Variants in RBFOX1 observed in about 807,000 individuals in gnomAD.
RBFOX1 encodes the protein RNA binding fox-1 homolog 1, also known as RNA binding protein fox-1 homolog 1.
Under a neutral mutation model 57.7 loss-of-function variants are expected in RBFOX1, and 8 were observed. That is an observed-to-expected ratio of 0.14 (90% CI 0.08 to 0.25). RBFOX1 has a LOEUF of 0.25. Ranked by LOEUF, RBFOX1 falls within the 10% of genes least tolerant of loss-of-function variation. The probability of loss-of-function intolerance (pLI) is 1.00; values close to 1 mark genes in which losing one functional copy is unlikely to be tolerated. For missense variants in RBFOX1, 611 were observed against 548.5 expected (o/e 1.11, Z -1.14); for synonymous variants, 326 against 222.4 (o/e 1.47, Z -4.15).
chr16:6,961,122 A>C (rs996641242), intron 3 of RBFOX1, among the ~76,000 whole-genome samples: 1 of 68,746 alleles, frequency 1.5e-5, no homozygotes, highest in African/African-American at 5.2e-5. Flanking sequence ...CAGCCTGGGC[A>C]ATAGAGACTC....
At chr16:5,834,860 A>C (rs2056410107) in intron 3 of RBFOX1, among the ~76,000 whole-genome samples, 1 of 152,186 alleles carries the variant, frequency 6.6e-6, no homozygotes, top group Non-Finnish European at 1.5e-5. Context: ...TTGGGTAGCT[A>C]TCCAGTGGTG....
rs201864835 is a variant in RBFOX1, at chr16:7,192,329, C to T, written c.27+140231C>T. ...AATGTCATATTCAGTGGAGAGGTTC[C>T]ATCTAAGAGAGTTGGGGTGAGAAAT... On this transcript the variant is annotated intron_variant, in intron 4 of 15. Coordinates refer to ENST00000550418, the MANE Select transcript of RBFOX1 (RefSeq NM_018723.4). Among the ~76,000 whole-genome samples the T allele has an allele frequency of 6.6e-5, 10 of 152,250 alleles. No individual in the cohort carries two copies. In the East Asian group the frequency reaches 1.9e-3, roughly 30 times the overall value.
intron 7 of RBFOX1, among the ~76,000 whole-genome samples, chr16:7,591,978 T>C (rs1005954788): frequency 1.3e-5 from 2 of 152,042 alleles, no homozygotes; most frequent in African/African-American, 4.8e-5. Flanking sequence ...GTGAGGTCTT[T>C]CTGGTTACAT....
intron 4 of RBFOX1, among the ~76,000 whole-genome samples, chr16:7,496,906 T>C (rs1042149897): frequency 6.6e-6 from 1 of 152,148 alleles, no homozygotes; most frequent in African/African-American, 2.4e-5. Flanking sequence ...ATTAGAGTCA[T>C]TGGTACCCAT....
At chr16:5,387,407 C>T (rs923636241) in intron 1 of RBFOX1, among the ~76,000 whole-genome samples, 1 of 152,204 alleles carries the variant, frequency 6.6e-6, no homozygotes, top group East Asian at 1.9e-4. Context: ...AAAGTCATCA[C>T]AGACCTAGGC....
chr16:5,750,874 G>T (rs917836462), intron 3 of RBFOX1, among the ~76,000 whole-genome samples: 1 of 152,192 alleles, frequency 6.6e-6, no homozygotes, highest in Non-Finnish European at 1.5e-5. Context: ...CCACTGTCCT[G>T]TCCCCACTGT....
chr16:5,502,551 G>A (rs1191916572), intron 2 of RBFOX1, among the ~76,000 whole-genome samples: 1 of 152,206 alleles, frequency 6.6e-6, no homozygotes, highest in East Asian at 1.9e-4. Flanking sequence ...ACTGTAGGTG[G>A]CAGCAGAAGC....
rs1038254393 is a variant in RBFOX1, at chr16:6,774,109, T to C, written c.-16+119459T>C. 10 of 671,430 alleles carry C rather than the reference T, an allele frequency of 1.5e-5. No individual in the cohort carries two copies. The African/African-American group carries it at 2.0e-4, about 13-fold the overall frequency. The allele number at this position is 671,430 out of a possible 1,614,324, so 41.6% of individuals were successfully genotyped here. A position where few individuals can be genotyped will look rare whatever the true frequency, so the allele number is the denominator to read the frequency against. ...TTAAATTACCAAGAATTGGACTTTT[T>C]GTAAAATACCAAGTTATCGGAACAA... On this transcript the variant is annotated intron_variant, in intron 3 of 15. Transcript: ENST00000550418.
intron 4 of RBFOX1, among the ~76,000 whole-genome samples, chr16:7,206,725 G>A (rs562503933): frequency 1.3e-5 from 2 of 152,150 alleles, no homozygotes; most frequent in African/African-American, 2.4e-5. Flanking sequence ...AACAGATGCC[G>A]ACGACATTTA....
At chr16:6,116,603 A>G (rs1485053219) in intron 1 of RBFOX1, among the ~76,000 whole-genome samples, 1 of 152,152 alleles carries the variant, frequency 6.6e-6, no homozygotes, top group Non-Finnish European at 1.5e-5. Flanking sequence ...GTGAAGAGGA[A>G]CTTCTGAAGC....
chr16:6,000,219 C>T (rs1048845731), intron 4 of RBFOX1, among the ~76,000 whole-genome samples: 19 of 152,230 alleles, frequency 1.2e-4, no homozygotes, highest in African/African-American at 4.3e-4. Flanking sequence ...ATCCCATGCC[C>T]CCCTGGTGCG....
At chr16:6,304,653 C>A (rs1460791059) in intron 1 of RBFOX1, among the ~76,000 whole-genome samples, 1 of 151,990 alleles carries the variant, frequency 6.6e-6, no homozygotes, top group African/African-American at 2.4e-5. Flanking sequence ...GAGGTGGCAG[C>A]AAGCGGATCA....
At chr16:5,491,792 A>T (rs2042838163) in intron 2 of RBFOX1, among the ~76,000 whole-genome samples, 1 of 152,174 alleles carries the variant, frequency 6.6e-6, no homozygotes, top group Non-Finnish European at 1.5e-5. Context: ...AACATCTTTT[A>T]ATTCAGTTGT....
chr16:5,887,512 C>T (rs775004075), intron 4 of RBFOX1, among the ~76,000 whole-genome samples: 6 of 152,224 alleles, frequency 3.9e-5, no homozygotes. Context: ...AGCAATTCTC[C>T]TGCCTTAGCC....
intron 2 of RBFOX1, among the ~76,000 whole-genome samples, chr16:5,535,757 T>C (rs1404957134): frequency 6.6e-6 from 1 of 152,232 alleles, no homozygotes; most frequent in African/African-American, 2.4e-5. Context: ...TCTGCTGGTA[T>C]AACATCCTCA....
chr16:6,142,497 A>C (rs1353859323), intron 1 of RBFOX1, among the ~76,000 whole-genome samples: 9 of 152,116 alleles, frequency 5.9e-5, no homozygotes. Context: ...CTGGGATTAC[A>C]GGCGTGAGCC....
chr16:6,688,899 G>T (rs1390656925), intron 3 of RBFOX1, among the ~76,000 whole-genome samples: 1 of 152,128 alleles, frequency 6.6e-6, no homozygotes, highest in Non-Finnish European at 1.5e-5. Context: ...TTGGTTTTCT[G>T]TTCCTGTGTC....
At chr16:6,716,663 G>A (rs532758192) in intron 3 of RBFOX1, among the ~76,000 whole-genome samples, 1 of 152,152 alleles carries the variant, frequency 6.6e-6, no homozygotes, top group East Asian at 1.9e-4. Context: ...CCATGACTCA[G>A]TCTTGTTCAT....
At chr16:6,393,873 C>A (rs1046269943) in intron 2 of RBFOX1, among the ~76,000 whole-genome samples, 1 of 152,144 alleles carries the variant, frequency 6.6e-6, no homozygotes, top group Admixed American at 6.6e-5. Context: ...GTCAGGAAAC[C>A]AGCAAAACCA....
Sources: gnomAD v4.1 joint callset for allele counts (sites outside exome capture counted in the v4.1 genomes callset) on GRCh38, gnomAD v4.1.1 for gene constraint, MANE v1.5 for transcripts, NCBI Gene and HGNC (gene_info 2026-07-23, HGNC 2026-07-21) for gene names.